The following DAPK1 variants were observed in gnomAD, a reference collection of about 807,000 sequenced individuals.
DAPK1 encodes death associated protein kinase 1, also known as death-associated protein kinase 1.
In DAPK1, 56 loss-of-function variants were observed where a neutral mutation model predicts 144.9. The observed-to-expected ratio is 0.39, with a 90% CI of 0.31 to 0.48. DAPK1 has a LOEUF of 0.48. Among genes scored for constraint, DAPK1 ranks in the 20% least tolerant of loss-of-function variants. The pLI is 0.95. For missense variants in DAPK1, 1,454 were observed against 1,875.4 expected, an observed-to-expected ratio of 0.78 and a Z score of 4.15; for synonymous variants, 690 against 749.0, an observed-to-expected ratio of 0.92 and a Z score of 1.29.
At chr9:87,557,091 G>A (rs549674687) in intron 2 of DAPK1, among the ~76,000 whole-genome samples, 39 of 152,294 alleles carry the variant, frequency 2.6e-4, no homozygotes, top group African/African-American at 8.4e-4. Flanking sequence ...CCTCTTGGCG[G>A]TGTTGCGGGA....
At chr9:87,560,516 TATGAGTCTACTTTCTGTTTCTGTG>T (rs1826872289) in intron 2 of DAPK1, among the ~76,000 whole-genome samples, 1 of 152,154 alleles carries the variant, frequency 6.6e-6, no homozygotes, top group African/African-American at 2.4e-5. Flanking sequence ...CCTTGGCAGA[TATGAGTCTACTTTCTGTTTCTGTG>T]ATTTGGACTA....
At chr9:87,702,786 T>C (rs759555297) in intron 24 of DAPK1, among the ~76,000 whole-genome samples, 2 of 152,034 alleles carry the variant, frequency 1.3e-5, no homozygotes, top group Non-Finnish European at 2.9e-5. Context: ...GTACTTGTAG[T>C]CGGAGCTACT....
chr9:87,521,232 A>G (rs981693260), intron 2 of DAPK1, among the ~76,000 whole-genome samples: 3 of 152,198 alleles, frequency 2.0e-5, no homozygotes, highest in African/African-American at 7.2e-5. Context: ...GTGTTTAGCA[A>G]CCAGGTCATG....
chr9:87,640,793 C>T lies in DAPK1; in HGVS notation c.783-9C>T, dbSNP rs36211678. ...ACAGCATTTTTTTTCTTCTCCCCCT[C>T]CCCTCAAGGAAGAGAATGACAATTC... is the stretch of plus-strand genomic sequence containing the variant. On this transcript the variant is annotated splice_polypyrimidine_tract_variant and intron_variant, in intron 8 of 25. Coordinates refer to ENST00000408954, the MANE Select transcript of DAPK1 (RefSeq NM_004938.4). The T allele has an allele frequency of 3.1e-6, 5 of 1,614,066 alleles. No individual in the cohort carries two copies. The highest frequency in any genetic ancestry group is 3.3e-5 in the Admixed American group (2 of 60,030).
chr9:87,668,776 C>A, intron 19 of DAPK1, 102 bp downstream of exon 19: 1 of 801,332 alleles, frequency 1.2e-6, no homozygotes, highest in South Asian at 1.4e-5. Flanking sequence ...AGGCTCTAGA[C>A]AGCCAGGTTT....
intron 2 of DAPK1, among the ~76,000 whole-genome samples, chr9:87,560,000 T>G (rs903225212): frequency 8.3e-6 from 1 of 120,362 alleles, no homozygotes; most frequent in African/African-American, 3.8e-5. Flanking sequence ...TTTCTTTCCT[T>G]TTTTCTTTTT....
intron 3 of DAPK1, among the ~76,000 whole-genome samples, chr9:87,616,554 G>A (rs1829103348): frequency 6.6e-6 from 1 of 152,194 alleles, no homozygotes; most frequent in Non-Finnish European, 1.5e-5. Context: ...TTGAGTATCA[G>A]GGTTTGGGTC....
Position 87,706,540 on chromosome 9 carries a change from C to T in DAPK1, c.3469C>T (p.His1157Tyr), listed in dbSNP as rs1269713096. ...KVQVNLCRWIHQQSTEGDADI... is the reference protein window; with the variant it reads ...KVQVNLCRWIYQQSTEGDADI... The stretch of plus-strand genomic sequence containing the variant: ...CCAGGTGAACCTGTGCCGGTGGATC[C>T]ACCAGCAAAGCACAGAGGGCGACGC... The change falls in exon 26 of 26, where the codon CAC (histidine) becomes TAC (tyrosine). Residue 1157 changes from histidine to tyrosine, a missense_variant. This residue lies in a region of DAPK1 where 1,025 missense variants were observed against 1,237.9 expected (regional missense o/e 0.83). Transcript: ENST00000408954. The surrounding 1 kb of genome is among the most constrained non-coding windows in gnomAD (Gnocchi z 9.0). 2 of 1,614,054 alleles carry T rather than the reference C, an allele frequency of 1.2e-6. No individual in the cohort carries two copies. Among genetic ancestry groups the T allele is most frequent in the Non-Finnish European group, 8.5e-7 (1 of 1,179,876 alleles).
intron 25 of DAPK1, among the ~76,000 whole-genome samples, chr9:87,705,445 C>T (rs1825604714): frequency 6.6e-6 from 1 of 152,044 alleles, no homozygotes. Flanking sequence ...TGGTCTCAAA[C>T]TCCTGACCTC....
intron 20 of DAPK1, among the ~76,000 whole-genome samples, chr9:87,684,409 C>T (rs1401679825): frequency 1.3e-5 from 2 of 152,170 alleles, no homozygotes; most frequent in Non-Finnish European, 2.9e-5. Flanking sequence ...GCCCTTTTCC[C>T]TTCAATGAGA....
At chr9:87,542,167 A>G (rs1261744332) in intron 2 of DAPK1, among the ~76,000 whole-genome samples, 1 of 152,234 alleles carries the variant, frequency 6.6e-6, no homozygotes, top group Non-Finnish European at 1.5e-5. Context: ...ATTTAGCTCA[A>G]TTTAATCCCA....
At chr9:87,611,710 C>T (rs2118994139) in intron 3 of DAPK1, among the ~76,000 whole-genome samples, 1 of 152,298 alleles carries the variant, frequency 6.6e-6, no homozygotes, top group Middle Eastern at 3.4e-3. Context: ...TCACCCTGTC[C>T]TCCCAAGTTG....
intron 3 of DAPK1, among the ~76,000 whole-genome samples, chr9:87,634,027 T>A (rs1375443561): frequency 1.3e-5 from 2 of 152,264 alleles, no homozygotes; most frequent in Non-Finnish European, 2.9e-5. Context: ...GGTTGGGCTG[T>A]GATGACCTAG....
chr9:87,697,662 A>G (rs3128494), intron 22 of DAPK1, among the ~76,000 whole-genome samples: 103,082 of 152,064 alleles, frequency 0.68, 35,262 homozygotes, highest in East Asian at 0.98. Context: ...ACTAAGAAAC[A>G]AAGAAAGAGG....
chr9:87,705,240 ATTT>A (rs200565337), intron 25 of DAPK1, among the ~76,000 whole-genome samples: 5,819 of 128,598 alleles, frequency 0.045, 126 homozygotes, highest in Middle Eastern at 0.12. Context: ...TAATTAATTA[ATTT>A]TTTTTTTTTT....
intron 3 of DAPK1, among the ~76,000 whole-genome samples, chr9:87,612,034 T>C (rs906661691): frequency 2.0e-5 from 3 of 152,230 alleles, no homozygotes; most frequent in Non-Finnish European, 4.4e-5. Flanking sequence ...GTCTTCTTAC[T>C]GTCATAACAT....
At chr9:87,540,179 ATC>A (rs1825995941) in intron 2 of DAPK1, among the ~76,000 whole-genome samples, 1 of 135,622 alleles carries the variant, frequency 7.4e-6, no homozygotes. Context: ...ATTGTTGTTA[ATC>A]TCTTTTTTTT....
Position 87,707,920 on chromosome 9 carries a change from G to T in DAPK1, c.*556G>T, listed in dbSNP as rs982395720. The T allele has an allele frequency of 2.2e-6, 1 of 455,354 alleles. No homozygotes were observed. Among genetic ancestry groups the T allele is most frequent in the Admixed American group, 2.4e-5 (1 of 42,338 alleles). 28.2% of individuals were successfully genotyped at this position (455,354 alleles called of 1,614,324 possible). The stretch of plus-strand genomic sequence containing the variant: ...GCCTTTTGCAGAAGAGGGTGTGTTT[G>T]AAATCATCGGAGTCAGCCAGGAGCT... On this transcript the variant is annotated 3_prime_UTR_variant, in exon 26 of 26. Transcript: ENST00000408954. The surrounding 1 kb of genome is among the most constrained non-coding windows in gnomAD (Gnocchi z 4.0).
chr9:87,520,006 T>A (rs1443232610), intron 2 of DAPK1, among the ~76,000 whole-genome samples: 1 of 151,766 alleles, frequency 6.6e-6, no homozygotes, highest in East Asian at 1.9e-4. Context: ...TTGTTGTTAA[T>A]AAAGATAAGG....
Sources: gnomAD v4.1 joint callset for allele counts (sites outside exome capture counted in the v4.1 genomes callset) on GRCh38, gnomAD v4.1.1 for gene constraint, gnomAD v4.1.1 regional missense constraint, Gnocchi (gnomAD v3.1) non-coding constraint, MANE v1.5 for transcripts, NCBI Gene and HGNC (gene_info 2026-07-23, HGNC 2026-07-21) for gene names.